The following NOVA1 variants were observed in gnomAD, a reference collection of about 807,000 sequenced individuals.
The protein encoded by NOVA1 is NOVA alternative splicing regulator 1.
NOVA1 carries 7 observed loss-of-function variants against 38.0 expected under a neutral mutation model. The observed-to-expected ratio is 0.18, with a 90% CI of 0.10 to 0.35. The LOEUF (loss-of-function observed/expected upper bound fraction) is 0.35. Ranked by LOEUF, NOVA1 falls within the 10% of genes least tolerant of loss-of-function variation. The pLI is 1.00. For missense variants in NOVA1, 460 were observed against 616.0 expected (o/e 0.75, Z 2.68); for synonymous variants, 270 against 232.5 (o/e 1.16, Z -1.47).
chr14:26,579,484 G>A (rs2138759970), intron 2 of NOVA1, among the ~76,000 whole-genome samples: 1 of 152,116 alleles, frequency 6.6e-6, no homozygotes, highest in Non-Finnish European at 1.5e-5. Context: ...TAAATTTATT[G>A]TCCTCCAGGT....
At chr14:26,519,120 A>T (rs1023432558) in intron 2 of NOVA1, 3 of 152,096 alleles carry the variant, frequency 2.0e-5, no homozygotes, top group Non-Finnish European at 2.9e-5. Context: ...CTTCTCGTGA[A>T]ATTAGTATTT....
At chr14:26,584,255 CCTTT>C (rs1893389016) in intron 2 of NOVA1, among the ~76,000 whole-genome samples, 1 of 151,298 alleles carries the variant, frequency 6.6e-6, no homozygotes, top group Admixed American at 6.6e-5. Context: ...TTTGCCTTTT[CCTTT>C]CTAAGTAAAT....
chr14:26,525,059 G>A (rs1889201384), intron 2 of NOVA1, among the ~76,000 whole-genome samples: 1 of 152,066 alleles, frequency 6.6e-6, no homozygotes, highest in South Asian at 2.1e-4. Flanking sequence ...TATTTACATG[G>A]TTTAACAAAA....
At chr14:26,515,910 A>C (rs917196994) in intron 2 of NOVA1, among the ~76,000 whole-genome samples, 1 of 152,092 alleles carries the variant, frequency 6.6e-6, no homozygotes, top group Non-Finnish European at 1.5e-5. Context: ...GTACAAAATC[A>C]TAAGTGTATA....
intron 2 of NOVA1, among the ~76,000 whole-genome samples, chr14:26,551,184 C>T (rs961172119): frequency 2.6e-5 from 4 of 151,964 alleles, no homozygotes; most frequent in Non-Finnish European, 4.4e-5. Context: ...ATGAATTATA[C>T]TCAAGAAACC....
At position 26,542,228 on chromosome 14, in the gene NOVA1, A is replaced by C. The variant is rs906164188; in HGVS notation, c.280+53182T>G. On this transcript the variant is annotated intron_variant, in intron 2 of 4. Transcript: ENST00000539517. The stretch of plus-strand genomic sequence containing the variant: ...GCCTTTAACAATGTGATTTGAAGGG[A>C]AAATATGCTTTCTCTTTTCTTAGTA... Among the ~76,000 whole-genome samples the C allele has an allele frequency of 6.6e-5, 10 of 151,882 alleles. No homozygotes were observed. In the East Asian group the frequency reaches 1.9e-3, roughly 29 times the overall value.
chr14:26,596,642 G>A (rs1245061508), intron 1 of NOVA1: 9 of 1,288,954 alleles, frequency 7.0e-6, no homozygotes, highest in East Asian at 5.5e-5. Context: ...TATCGGTCCC[G>A]TTAAAACTCA....
chr14:26,555,567 CG>C (rs2138661186), intron 2 of NOVA1, among the ~76,000 whole-genome samples: 1 of 152,118 alleles, frequency 6.6e-6, no homozygotes, highest in Admixed American at 6.5e-5. Context: ...TAAATTTATA[CG>C]TTTTTTCTAC....
intron 4 of NOVA1, among the ~76,000 whole-genome samples, chr14:26,459,290 T>C (rs1020134419): frequency 6.6e-6 from 1 of 152,164 alleles, no homozygotes; most frequent in Non-Finnish European, 1.5e-5. Context: ...TTTGTTTTGA[T>C]ACATTTAGAT....
At chr14:26,463,115 A>C (rs1442289588) in intron 4 of NOVA1, among the ~76,000 whole-genome samples, 1 of 152,154 alleles carries the variant, frequency 6.6e-6, no homozygotes, top group Non-Finnish European at 1.5e-5. Flanking sequence ...TTCACCAGAT[A>C]CTATTCTGCA....
chr14:26,444,112 C>T lies in NOVA1; in HGVS notation c.*3847G>A, dbSNP rs1274447095. 6.6e-6 allele frequency: 1 copy of T among 152,026 alleles called. No individual in the cohort carries two copies. Among genetic ancestry groups the T allele is most frequent in the Non-Finnish European group, 1.5e-5 (1 of 67,974 alleles). The allele number at this position is 152,026 out of a possible 1,614,324, so 9.4% of individuals were successfully genotyped here. A position where few individuals can be genotyped will look rare whatever the true frequency, so the allele number is the denominator to read the frequency against. ...AATGGATTAAAAGGAATATGATTAT[C>T]AGTACCTTTGTTGAAATCTATTACC... On this transcript the variant is annotated 3_prime_UTR_variant, in exon 5 of 5. Coordinates refer to ENST00000539517, the MANE Select transcript of NOVA1 (RefSeq NM_002515.3).
intron 2 of NOVA1, among the ~76,000 whole-genome samples, chr14:26,510,286 T>G (rs539420545): frequency 2.2e-4 from 33 of 152,278 alleles, no homozygotes; most frequent in African/African-American, 7.5e-4. Flanking sequence ...ATAATCTAGT[T>G]AGCCTCCCTC....
At chr14:26,573,058 T>C (rs1892590955) in intron 2 of NOVA1, among the ~76,000 whole-genome samples, 1 of 151,946 alleles carries the variant, frequency 6.6e-6, no homozygotes, top group South Asian at 2.1e-4. Flanking sequence ...AAGGACAGAA[T>C]CGAATGTAAC....
chr14:26,572,489 G>A (rs1244788715), intron 2 of NOVA1, among the ~76,000 whole-genome samples: 1 of 152,114 alleles, frequency 6.6e-6, no homozygotes, highest in Non-Finnish European at 1.5e-5. Flanking sequence ...CTACTATGTG[G>A]AAGACCCTAT....
intron 2 of NOVA1, among the ~76,000 whole-genome samples, chr14:26,587,315 A>AAC (rs1442417631): frequency 1.3e-5 from 2 of 150,314 alleles, no homozygotes; most frequent in African/African-American, 2.4e-5. Context: ...ATATAAAAAA[A>AAC]AAAAAAAACA....
At chr14:26,477,125 G>A (rs1399465748) in intron 3 of NOVA1, among the ~76,000 whole-genome samples, 1 of 151,966 alleles carries the variant, frequency 6.6e-6, no homozygotes, top group Admixed American at 6.6e-5. Flanking sequence ...TGGTCTGCAA[G>A]GGCTACAGTT....
At chr14:26,552,642 T>C (rs1891231316) in intron 2 of NOVA1, among the ~76,000 whole-genome samples, 1 of 151,962 alleles carries the variant, frequency 6.6e-6, no homozygotes, top group African/African-American at 2.4e-5. Context: ...CTGAGTAAAG[T>C]GGTGAACAAA....
chr14:26,579,961 T>C (rs935840441), intron 2 of NOVA1, among the ~76,000 whole-genome samples: 2 of 152,086 alleles, frequency 1.3e-5, no homozygotes, highest in Non-Finnish European at 2.9e-5. Flanking sequence ...GGTCTCACTA[T>C]ATTGCCCAGG....
intron 2 of NOVA1, among the ~76,000 whole-genome samples, chr14:26,582,923 A>G (rs1893309358): frequency 6.6e-6 from 1 of 151,818 alleles, no homozygotes; most frequent in South Asian, 2.1e-4. Context: ...ATGCCAACCT[A>G]AAGTGCCACA....
Sources: gnomAD v4.1 joint callset for allele counts (sites outside exome capture counted in the v4.1 genomes callset) on GRCh38, gnomAD v4.1.1 for gene constraint, MANE v1.5 for transcripts, NCBI Gene and HGNC (gene_info 2026-07-23, HGNC 2026-07-21) for gene names.